The following MTA3 variants were observed in gnomAD, a reference collection of about 807,000 sequenced individuals.
The protein encoded by MTA3 is metastasis associated 1 family member 3.
MTA3 carries 34 observed loss-of-function variants against 83.5 expected under a neutral mutation model. The ratio of observed to expected loss-of-function variants is 0.41; its 90% CI spans 0.31 to 0.54. MTA3 has a LOEUF of 0.54. Ranked by LOEUF, MTA3 falls within the 20% of genes least tolerant of loss-of-function variation. The pLI is 0.33. For missense variants in MTA3, 761 were observed against 726.4 expected (o/e 1.05, Z -0.55); for synonymous variants, 303 against 252.7 (o/e 1.20, Z -1.89).
rs1262209391 is a variant in MTA3, at chr2:42,589,041, T to G, written c.190+9841T>G. On this transcript the variant is annotated intron_variant, in intron 3 of 16. Transcript: ENST00000405094. ...GATTGTGGAGGCCAATCTTCTTAACTTCGAGTCAGCTGATGTTACTCATAT... is the reference window on the plus strand; with the variant it reads ...GATTGTGGAGGCCAATCTTCTTAACGTCGAGTCAGCTGATGTTACTCATAT... Among the ~76,000 whole-genome samples, 5 of 152,152 alleles carry G rather than the reference T, an allele frequency of 3.3e-5. No individual in the cohort carries two copies. The South Asian group carries it at 6.2e-4, about 19-fold the overall frequency.
intron 9 of MTA3, among the ~76,000 whole-genome samples, chr2:42,690,196 C>T (rs927188954): frequency 6.6e-5 from 10 of 152,130 alleles, no homozygotes; most frequent in Non-Finnish European, 7.3e-5. Context: ...AAGATTGAAG[C>T]GTGCATCATT....
At chr2:42,732,782 G>A (rs1241217224) in intron 16 of MTA3, among the ~76,000 whole-genome samples, 1 of 152,172 alleles carries the variant, frequency 6.6e-6, no homozygotes, top group African/African-American at 2.4e-5. Context: ...TTTTCTGCCA[G>A]ATATGCTAAA....
chr2:42,516,354 T>C (rs1572907633), intron 2 of MTA3, among the ~76,000 whole-genome samples: 1 of 152,210 alleles, frequency 6.6e-6, no homozygotes, highest in South Asian at 2.1e-4. Flanking sequence ...ACTGCAACGT[T>C]TTCCTTGGAT....
At chr2:42,666,210 G>A (rs1048413285) in intron 8 of MTA3, among the ~76,000 whole-genome samples, 8 of 152,212 alleles carry the variant, frequency 5.3e-5, no homozygotes, top group Non-Finnish European at 2.9e-5. Context: ...CCGGGAGGCG[G>A]AGGTTGCAGT....
At chr2:42,550,095 G>C (rs556685780) in intron 2 of MTA3, among the ~76,000 whole-genome samples, 1 of 152,156 alleles carries the variant, frequency 6.6e-6, no homozygotes, top group African/African-American at 2.4e-5. Context: ...AAGTGAAAAG[G>C]TGAAAGTTCT....
chr2:42,630,930 T>C (rs1367399486), intron 4 of MTA3, among the ~76,000 whole-genome samples: 1 of 152,194 alleles, frequency 6.6e-6, no homozygotes, highest in African/African-American at 2.4e-5. Context: ...TATGGATATG[T>C]TTATTGAAAA....
At chr2:42,623,800 C>A (rs2103339) in intron 4 of MTA3, among the ~76,000 whole-genome samples, 110,809 of 151,218 alleles carry the variant, frequency 0.73, 40,812 homozygotes, top group South Asian at 0.88. Flanking sequence ...AAGCCATTGT[C>A]CTGGCTCAGC....
intron 3 of MTA3, among the ~76,000 whole-genome samples, chr2:42,608,681 G>C (rs559419321): frequency 7.9e-5 from 12 of 152,228 alleles, no homozygotes; most frequent in Admixed American, 2.0e-4. Context: ...CCAGGAGTTC[G>C]AGACCAGCCT....
At chr2:42,699,871 A>G (rs941988115) in intron 11 of MTA3, among the ~76,000 whole-genome samples, 1 of 152,190 alleles carries the variant, frequency 6.6e-6, no homozygotes, top group Admixed American at 6.5e-5. Flanking sequence ...CAATAATTAT[A>G]TTTGAAGCCA....
chr2:42,728,712 T>A (rs1405845689), intron 16 of MTA3, among the ~76,000 whole-genome samples: 1 of 152,224 alleles, frequency 6.6e-6, no homozygotes, highest in African/African-American at 2.4e-5. Flanking sequence ...TGATCATTGG[T>A]GTTGAACACC....
chr2:42,739,615 T>C (rs1220832722), intron 16 of MTA3, among the ~76,000 whole-genome samples: 1 of 152,212 alleles, frequency 6.6e-6, no homozygotes, highest in Non-Finnish European at 1.5e-5. Context: ...TGACATTTGC[T>C]ACATCAGTGG....
intron 16 of MTA3, among the ~76,000 whole-genome samples, chr2:42,725,961 A>T (rs550561990): frequency 2.0e-5 from 3 of 152,202 alleles, no homozygotes; most frequent in Non-Finnish European, 1.5e-5. Flanking sequence ...TTTCATTGGG[A>T]TAATGGGCCT....
intron 2 of MTA3, among the ~76,000 whole-genome samples, chr2:42,572,016 G>T (rs936342666): frequency 6.6e-6 from 1 of 151,784 alleles, no homozygotes; most frequent in African/African-American, 2.4e-5. Context: ...GGTGGCTCAC[G>T]CCTGTAATCC....
intron 16 of MTA3, among the ~76,000 whole-genome samples, chr2:42,738,641 C>A (rs1403303591): frequency 6.6e-6 from 1 of 152,184 alleles, no homozygotes; most frequent in African/African-American, 2.4e-5. Flanking sequence ...GAGAGATAAC[C>A]TTAAACTCTG....
At chr2:42,725,791 CCTT>C (rs2104550071) in intron 16 of MTA3, among the ~76,000 whole-genome samples, 1 of 152,348 alleles carries the variant, frequency 6.6e-6, no homozygotes, top group East Asian at 1.9e-4. Flanking sequence ...ACTGCAGAAT[CCTT>C]CTAGCGCCCT....
Position 42,644,237 on chromosome 2 carries a change from G to C in MTA3, c.492G>C (p.Leu164=), listed in dbSNP as rs1390092280. 6.2e-7 allele frequency: 1 copy of C among 1,605,208 alleles called. No individual in the cohort carries two copies. Among genetic ancestry groups the C allele is most frequent in the Non-Finnish European group, 8.5e-7 (1 of 1,174,936 alleles). Residue 164 remains leucine, a synonymous_variant, in exon 6 of 17, where the codon CTG becomes CTC. Transcript: ENST00000405094. ...PRYQADIPEM[L]LEGESDEREQ... is the part of the protein sequence containing the mutation. ...ATCAAGCAGACATTCCAGAAATGCT[G>C]TTAGAAGGTACGTTTTTCTGCGTGT... is the stretch of plus-strand genomic sequence containing the variant.
intron 8 of MTA3, among the ~76,000 whole-genome samples, chr2:42,666,562 C>G (rs1023704664): frequency 1.3e-5 from 2 of 152,216 alleles, no homozygotes; most frequent in African/African-American, 4.8e-5. Context: ...CATAGCCCCA[C>G]ATAGTTAACT....
intron 10 of MTA3, among the ~76,000 whole-genome samples, 159 bp from the exon 11 acceptor site, chr2:42,697,617 C>T (rs373311766): frequency 2.6e-5 from 4 of 152,186 alleles, no homozygotes; most frequent in African/African-American, 9.6e-5. Context: ...TTTTCTTAGA[C>T]ATTATTGCAG....
chr2:42,585,891 T>C (rs1423399004), intron 3 of MTA3, among the ~76,000 whole-genome samples: 3 of 152,120 alleles, frequency 2.0e-5, no homozygotes, highest in Non-Finnish European at 4.4e-5. Context: ...TGAGCTATGA[T>C]TGAGCAATTG....
Sources: allele counts gnomAD v4.1 joint callset (sites outside exome capture counted in the v4.1 genomes callset), GRCh38; gene constraint gnomAD v4.1.1; transcripts MANE v1.5; gene names NCBI Gene and HGNC (gene_info 2026-07-23, HGNC 2026-07-21).